TFCP2L1: variants seen among roughly 807,000 people sequenced by gnomAD.
TFCP2L1 encodes transcription factor CP2-like protein 1.
In TFCP2L1, 12 loss-of-function variants were observed where a neutral mutation model predicts 72.2. That is an observed-to-expected ratio of 0.17 (90% CI 0.11 to 0.27). TFCP2L1 has a LOEUF of 0.27. TFCP2L1 is among the 10% of genes least tolerant of loss of function. TFCP2L1 has a pLI of 1.00. For synonymous variants in TFCP2L1, 260 were observed against 251.0 expected (o/e 1.04, Z -0.34); for missense variants, 488 against 624.6 (o/e 0.78, Z 2.33).
chr2:121,279,999 G>A (rs1450597289), intron 2 of TFCP2L1, among the ~76,000 whole-genome samples: 1 of 152,054 alleles, frequency 6.6e-6, no homozygotes, highest in Non-Finnish European at 1.5e-5. Context: ...CCAGAAGAAA[G>A]TGCAAAAAAC....
intron 2 of TFCP2L1, among the ~76,000 whole-genome samples, chr2:121,257,929 G>A (rs1054195846): frequency 6.6e-6 from 1 of 152,048 alleles, no homozygotes; most frequent in African/African-American, 2.4e-5. Context: ...AAAGCTCTGA[G>A]AACCGGCCCG....
At chr2:121,259,586 A>G (rs938201017) in intron 2 of TFCP2L1, among the ~76,000 whole-genome samples, 6 of 152,254 alleles carry the variant, frequency 3.9e-5, no homozygotes, top group African/African-American at 1.4e-4. Flanking sequence ...TTGAATTAGA[A>G]GTTAAAAAAT....
intron 8 of TFCP2L1, among the ~76,000 whole-genome samples, chr2:121,239,300 G>A (rs1476937416): frequency 1.3e-5 from 2 of 152,214 alleles, no homozygotes; most frequent in Non-Finnish European, 2.9e-5. Context: ...TGTCTTGGGT[G>A]GCTGACCGCA....
intron 13 of TFCP2L1, among the ~76,000 whole-genome samples, chr2:121,227,598 T>C (rs749109964): frequency 6.6e-6 from 1 of 151,908 alleles, no homozygotes. Context: ...GGAGAATCGC[T>C]TGAATGCAGG....
At chr2:121,236,099 C>T (rs1166796167) in intron 10 of TFCP2L1, among the ~76,000 whole-genome samples, 7 of 152,170 alleles carry the variant, frequency 4.6e-5, no homozygotes, top group Non-Finnish European at 7.3e-5. Flanking sequence ...AGTGTTCATG[C>T]CCGTTATTAC....
At chr2:121,237,549 GGCCTGGAAGGTGGCCA>G (rs1686276284) in intron 10 of TFCP2L1, 58 bp downstream of exon 10, 6 of 1,528,094 alleles carry the variant, frequency 3.9e-6, no homozygotes, top group Non-Finnish European at 5.4e-6. Flanking sequence ...TTGACAGCAA[GGCCTGGAAGGTGGCCA>G]GCCTTGAAGT....
Position 121,222,501 on chromosome 2 carries a change from C to T in TFCP2L1, c.*1840G>A, listed in dbSNP as rs1685944572. 6.6e-6 allele frequency: 1 copy of T among 152,198 alleles called. No homozygotes were observed. The highest frequency in any genetic ancestry group is 2.4e-5 in the African/African-American group (1 of 41,452). The allele number at this position is 152,198 out of a possible 1,614,324, so 9.4% of individuals were successfully genotyped here. On this transcript the variant is annotated 3_prime_UTR_variant, in exon 15 of 15. Transcript: ENST00000263707. The stretch of plus-strand genomic sequence containing the variant: ...GAATGAAGTACTGATACATCCTCAA[C>T]TTGGACGGCCCTAGAAAACATTCAG...
At chr2:121,270,877 C>CTTT (rs35234824) in intron 2 of TFCP2L1, among the ~76,000 whole-genome samples, 1 of 136,862 alleles carries the variant, frequency 7.3e-6, no homozygotes, top group Non-Finnish European at 1.6e-5. Context: ...TCTAAACACA[C>CTTT]TTTTTTTTTT....
intron 14 of TFCP2L1, 55 bp from the exon 15 acceptor site, chr2:121,224,442 G>A: frequency 6.9e-6 from 11 of 1,584,470 alleles, no homozygotes; most frequent in Non-Finnish European, 9.5e-6. Flanking sequence ...CAGTGCCACA[G>A]TATTGGGGAG....
intron 14 of TFCP2L1, among the ~76,000 whole-genome samples, chr2:121,224,923 T>G (rs1685994882): frequency 6.6e-6 from 1 of 150,820 alleles, no homozygotes; most frequent in South Asian, 2.1e-4. Context: ...AGGCGGAGCT[T>G]GCAGTGAGCT....
chr2:121,267,613 C>G (rs559726790), intron 2 of TFCP2L1, among the ~76,000 whole-genome samples: 14 of 152,196 alleles, frequency 9.2e-5, no homozygotes, highest in African/African-American at 3.4e-4. Flanking sequence ...CCTGCCTCAG[C>G]CTCCCGAGTA....
chr2:121,241,713 C>T (rs1686371897), intron 7 of TFCP2L1, among the ~76,000 whole-genome samples: 1 of 152,086 alleles, frequency 6.6e-6, no homozygotes, highest in Non-Finnish European at 1.5e-5. Context: ...TTCACATGCA[C>T]AGTTATTCAC....
rs749086833 is a variant in TFCP2L1 at position 121,224,390 on chromosome 2, G to T, written c.1394-3C>A. On this transcript the variant is annotated splice_polypyrimidine_tract_variant and splice_region_variant and intron_variant, in intron 14 of 14. Coordinates refer to ENST00000263707, the MANE Select transcript of TFCP2L1 (RefSeq NM_014553.3). ...GTGGTAGCCATCATTGCTCTCAGCT[G>T]CAAGAGAGAAACACTGGGTGTATTT... is the stretch of plus-strand genomic sequence containing the variant. The T allele has an allele frequency of 3.1e-6, 5 of 1,613,584 alleles. No homozygotes were observed. The highest frequency in any genetic ancestry group is 4.2e-6 in the Non-Finnish European group (5 of 1,179,906).
chr2:121,235,574 CTTTT>C (rs34634906), intron 10 of TFCP2L1, among the ~76,000 whole-genome samples: 10 of 119,814 alleles, frequency 8.3e-5, no homozygotes, highest in African/African-American at 2.0e-4. Context: ...TTCTTTCTTT[CTTTT>C]TTTTTTTTTT....
chr2:121,255,700 G>A (rs1321684865), intron 2 of TFCP2L1, among the ~76,000 whole-genome samples: 1 of 151,894 alleles, frequency 6.6e-6, no homozygotes, highest in Non-Finnish European at 1.5e-5. Flanking sequence ...GTCCCATCTG[G>A]CTCCAATATT....
At chr2:121,281,336 C>T (rs892656930) in intron 1 of TFCP2L1, 65 bp from the exon 2 acceptor site, 18 of 1,512,396 alleles carry the variant, frequency 1.2e-5, no homozygotes, top group Admixed American at 1.1e-4. Context: ...AGAGCCAGGG[C>T]GAAGCTAGAG....
chr2:121,247,042 C>T lies in TFCP2L1; in HGVS notation c.505-72G>A, dbSNP rs1029480986. On this transcript the variant is annotated intron_variant, in intron 5 of 14. Coordinates refer to ENST00000263707, the MANE Select transcript of TFCP2L1 (RefSeq NM_014553.3). Reference sequence around the variant, plus strand: ...GTGCCCCTGGATCCCCCAAGCGCCCCCTCTATTGGAGGTGTCCTTCCCTGC... The same window carrying T: ...GTGCCCCTGGATCCCCCAAGCGCCCTCTCTATTGGAGGTGTCCTTCCCTGC... 9 of 1,572,070 alleles carry T rather than the reference C, an allele frequency of 5.7e-6. No homozygotes were observed. The East Asian group carries it at 1.1e-4, about 20-fold the overall frequency.
At chr2:121,229,724 C>T (rs1264151405) in intron 13 of TFCP2L1, among the ~76,000 whole-genome samples, 1 of 152,222 alleles carries the variant, frequency 6.6e-6, no homozygotes, top group Non-Finnish European at 1.5e-5. Flanking sequence ...ATCTGTACTA[C>T]AGTCTGACAG....
chr2:121,231,682 C>T, intron 13 of TFCP2L1, 144 bp downstream of exon 13: 1 of 1,255,084 alleles, frequency 8.0e-7, no homozygotes, highest in Non-Finnish European at 1.1e-6. Flanking sequence ...TCCATCGCAG[C>T]CCCGGACAGC....
Sources: allele counts gnomAD v4.1 joint callset (sites outside exome capture counted in the v4.1 genomes callset), GRCh38; gene constraint gnomAD v4.1.1; transcripts MANE v1.5; gene names NCBI Gene and HGNC (gene_info 2026-07-23, HGNC 2026-07-21).